IMMT: variants seen among roughly 807,000 people sequenced by gnomAD.
IMMT encodes inner membrane mitochondrial protein.
Under a neutral mutation model 92.7 loss-of-function variants are expected in IMMT, and 40 were observed. The ratio of observed to expected loss-of-function variants is 0.43; its 90% confidence interval spans 0.34 to 0.56. The LOEUF is 0.56. Ranked by LOEUF, IMMT falls within the 20% of genes least tolerant of loss-of-function variation. The pLI, the probability that IMMT is intolerant of heterozygous loss-of-function variation, is 0.03. For missense variants in IMMT, 831 were observed against 912.1 expected (o/e 0.91, Z 1.14); for synonymous variants, 322 against 336.1 (o/e 0.96, Z 0.46).
chr2:86,146,829 C>T (rs188471943), intron 13 of IMMT, among the ~76,000 whole-genome samples: 180 of 151,082 alleles, frequency 1.2e-3, no homozygotes, highest in African/African-American at 4.2e-3. Flanking sequence ...GGCACAACCT[C>T]AGCTCACTGC....
chr2:86,180,809 C>T (rs775990927), intron 2 of IMMT, among the ~76,000 whole-genome samples: 4 of 151,620 alleles, frequency 2.6e-5, no homozygotes, highest in Admixed American at 2.0e-4. Flanking sequence ...ATCGCTTGAA[C>T]CTGGGAGGTG....
At chr2:86,185,147 G>C (rs1026123782) in intron 1 of IMMT, among the ~76,000 whole-genome samples, 2 of 151,792 alleles carry the variant, frequency 1.3e-5, no homozygotes, top group Non-Finnish European at 2.9e-5. Flanking sequence ...GCCAGCCTGG[G>C]TGACAGAGCC....
chr2:86,195,238 C>T (rs1161437257), intron 1 of IMMT, 100 bp downstream of exon 1: 2 of 1,303,586 alleles, frequency 1.5e-6, no homozygotes, highest in Non-Finnish European at 2.0e-6. Flanking sequence ...CTGAGGCTCG[C>T]CTTTGTCCTG....
chr2:86,145,494 C>CA (rs10554362), intron 14 of IMMT, among the ~76,000 whole-genome samples: 1,360 of 76,066 alleles, frequency 0.018, 33 homozygotes, highest in East Asian at 0.088. Flanking sequence ...GACTCTGTCT[C>CA]AAAAAAAAAA....
chr2:86,183,518 T>A (rs543827063), intron 1 of IMMT, among the ~76,000 whole-genome samples: 1 of 152,186 alleles, frequency 6.6e-6, no homozygotes, highest in African/African-American at 2.4e-5. Flanking sequence ...TTTGACAGAA[T>A]GTGTTTTGAC....
intron 1 of IMMT, among the ~76,000 whole-genome samples, chr2:86,188,391 G>A (rs1015325899): frequency 2.0e-5 from 3 of 151,246 alleles, no homozygotes; most frequent in African/African-American, 7.3e-5. Flanking sequence ...ACACATACAC[G>A]CACACACGCG....
At chr2:86,172,084 G>C (rs542599426) in intron 4 of IMMT, among the ~76,000 whole-genome samples, 2 of 150,126 alleles carry the variant, frequency 1.3e-5, no homozygotes, top group South Asian at 4.2e-4. Flanking sequence ...TCCCACCTCA[G>C]CCTCTGGCAC....
At chr2:86,148,502 C>T (rs1315701367) in intron 12 of IMMT, among the ~76,000 whole-genome samples, 1 of 151,908 alleles carries the variant, frequency 6.6e-6, no homozygotes, top group African/African-American at 2.4e-5. Context: ...GTCCCAGCTA[C>T]TCGGGAGGCT....
chr2:86,175,305 T>C (rs1280211509), intron 3 of IMMT, among the ~76,000 whole-genome samples: 1 of 152,112 alleles, frequency 6.6e-6, no homozygotes, highest in Non-Finnish European at 1.5e-5. Context: ...TCATTCAAAT[T>C]CTTACTAGAT....
At chr2:86,166,683 C>A in intron 6 of IMMT, 39 bp from the exon 7 acceptor site, 1 of 1,547,774 alleles carries the variant, frequency 6.5e-7, no homozygotes, top group Non-Finnish European at 8.7e-7. Context: ...ACAAATCCTA[C>A]CCCCATAAAT....
chr2:86,166,639 C>A lies in IMMT; in HGVS notation c.661G>T (p.Ala221Ser). Residue 221 changes from alanine (A) to serine (S), a missense_variant, in exon 7 of 15, where the codon GCC (alanine) becomes TCC (serine). Physicochemically the swap from Ala to Ser is moderately conservative, Grantham distance 99 (BLOSUM62 1). Coordinates refer to ENST00000410111, the MANE Select transcript of IMMT (RefSeq NM_006839.3). Reference sequence around the variant, plus strand: ...CTCAGAGCATCTTCTAAGCTCTTGGCTAGAGCTTAAAAAAAAAAAAGAACA... The same window carrying A: ...CTCAGAGCATCTTCTAAGCTCTTGGATAGAGCTTAAAAAAAAAAAAGAACA... ...KQEQVKIESL[A>S]KSLEDALRQT... 6.3e-7 allele frequency: 1 copy of A among 1,588,962 alleles called. No individual in the cohort carries two copies.
At chr2:86,159,385 A>G (rs1421731005) in intron 9 of IMMT, 151 bp downstream of exon 9, 1 of 753,526 alleles carries the variant, frequency 1.3e-6, no homozygotes, top group Non-Finnish European at 2.3e-6. Context: ...ACACCCAGCC[A>G]AGGCAAATTT....
chr2:86,144,640 G>C lies in IMMT; in HGVS notation c.1905C>G (p.Phe635Leu), dbSNP rs1450725487. 6.2e-7 allele frequency: 1 copy of C among 1,614,006 alleles called. No homozygotes were observed. The highest frequency in any genetic ancestry group is 1.7e-5 in the Admixed American group (1 of 60,020). Residue 635 changes from phenylalanine to leucine, a missense_variant, in exon 15 of 15, where the codon TTC becomes TTG. Physicochemically the swap from Phe to Leu is conservative, Grantham distance 22 (BLOSUM62 0). Transcript: ENST00000410111. ...TTCGGGCCAGTTTTTGAACAGCATA[G>C]AAACGGGCTCTAAGGGTCTCTTCAC... ...VYSEETLRAR[F>L]YAVQKLARRV...
At chr2:86,167,747 G>A (rs111289536) in intron 6 of IMMT, among the ~76,000 whole-genome samples, 5,274 of 151,924 alleles carry the variant, frequency 0.035, 212 homozygotes, top group East Asian at 0.22. Flanking sequence ...CTCTCAAAGT[G>A]CTGGGATTAC....
At chr2:86,146,839 C>T (rs1675054759) in intron 13 of IMMT, among the ~76,000 whole-genome samples, 1 of 152,158 alleles carries the variant, frequency 6.6e-6, no homozygotes, top group African/African-American at 2.4e-5. Context: ...CAGCTCACTG[C>T]AACCTCCACC....
intron 4 of IMMT, among the ~76,000 whole-genome samples, chr2:86,172,660 A>G (rs1677175663): frequency 1.3e-5 from 2 of 152,160 alleles, no homozygotes; most frequent in Admixed American, 1.3e-4. Flanking sequence ...ATGGCTTCCA[A>G]GGACTGCCAC....
At chr2:86,145,797 T>C (rs1400397308) in intron 14 of IMMT, among the ~76,000 whole-genome samples, 1 of 152,134 alleles carries the variant, frequency 6.6e-6, no homozygotes, top group African/African-American at 2.4e-5. Flanking sequence ...CACTGACCCC[T>C]AGCCCTTACC....
At chr2:86,167,336 T>C (rs1676767196) in intron 6 of IMMT, among the ~76,000 whole-genome samples, 1 of 148,968 alleles carries the variant, frequency 6.7e-6, no homozygotes, top group Non-Finnish European at 1.5e-5. Flanking sequence ...CACGCCCAGC[T>C]AATTTTTTTG....
intron 1 of IMMT, among the ~76,000 whole-genome samples, chr2:86,189,503 G>A (rs1672988841): frequency 1.3e-5 from 2 of 152,288 alleles, no homozygotes; most frequent in South Asian, 4.1e-4. Context: ...CTGTTACACA[G>A]ACCATCTGTT....
Sources: allele counts gnomAD v4.1 joint callset (sites outside exome capture counted in the v4.1 genomes callset), GRCh38; gene constraint gnomAD v4.1.1; transcripts MANE v1.5; gene names NCBI Gene and HGNC (gene_info 2026-07-23, HGNC 2026-07-21).